The following NIPBL variants were observed in gnomAD, a reference collection of about 807,000 sequenced individuals.
The protein encoded by NIPBL is NIPBL cohesin loading factor.
Under a neutral mutation model 321.8 loss-of-function variants are expected in NIPBL, and 19 were observed. The observed-to-expected ratio is 0.06, with a 90% confidence interval of 0.04 to 0.09. NIPBL has a LOEUF of 0.09. Ranked by LOEUF, NIPBL falls within the 10% of genes least tolerant of loss-of-function variation. The probability of loss-of-function intolerance (pLI) is 1.00; values close to 1 mark genes in which losing one functional copy is unlikely to be tolerated. For synonymous variants in NIPBL, 1,106 were observed against 1,114.1 expected, an observed-to-expected ratio of 0.99 and a Z score of 0.14; for missense variants, 2,210 against 3,327.0, an observed-to-expected ratio of 0.66 and a Z score of 8.26.
chr5:36,896,556 A>G (rs912179979), intron 1 of NIPBL, among the ~76,000 whole-genome samples: 3 of 152,152 alleles, frequency 2.0e-5, no homozygotes, highest in Non-Finnish European at 4.4e-5. Context: ...ATCCAAGGGC[A>G]TGGGAAGACG....
chr5:36,955,419 A>C, intron 2 of NIPBL, 53 bp from the exon 3 acceptor site: 1 of 1,439,722 alleles, frequency 6.9e-7, no homozygotes, highest in Non-Finnish European at 9.8e-7. Flanking sequence ...ATAAGCACTA[A>C]AGAGACTTCT....
intron 21 of NIPBL, among the ~76,000 whole-genome samples, chr5:37,010,656 T>C (rs916521879): frequency 1.3e-5 from 2 of 152,162 alleles, no homozygotes; most frequent in Non-Finnish European, 2.9e-5. Flanking sequence ...AAGGTCCTTT[T>C]AGAGCACTAG....
At position 37,014,700 on chromosome 5, in the gene NIPBL, C is replaced by G. The variant is rs756639524; in HGVS notation, c.4578C>G (p.Val1526=). 1 of 1,605,698 alleles carries G rather than the reference C, an allele frequency of 6.2e-7. No individual in the cohort carries two copies. The highest frequency in any genetic ancestry group is 8.5e-7 in the Non-Finnish European group (1 of 1,172,736). The part of the protein sequence containing the change: ...DSNKKIDQDV[V]ITNSYETAMR... ...CATTCTAGATTGACCAGGATGTTGT[C>G]ATTACTAACTCTTATGAAACAGCTA... Residue 1526 remains valine (V), a synonymous_variant, in exon 22 of 47, where the codon GTC becomes GTG. Transcript: ENST00000282516.
At chr5:37,024,544 C>G (rs762469274) in intron 29 of NIPBL, 41 bp from the exon 30 acceptor site, 1 of 1,564,858 alleles carries the variant, frequency 6.4e-7, no homozygotes, top group Non-Finnish European at 8.8e-7. Context: ...CACTAGGCAT[C>G]TCAATTTTTC....
At position 37,049,228 on chromosome 5, in the gene NIPBL, A is replaced by G. The variant is rs760452129; in HGVS notation, c.6881A>G (p.Gln2294Arg). The G allele has an allele frequency of 1.2e-6, 2 of 1,614,172 alleles. No individual in the cohort carries two copies. The highest frequency in any genetic ancestry group is 1.7e-6 in the Non-Finnish European group (2 of 1,180,020). Residue 2294 changes from glutamine (Q) to arginine (R), a missense_variant, in exon 40 of 47, where the codon CAG becomes CGG. Transcript: ENST00000282516. The part of the protein sequence containing the change: ...KQVLEAFFHT[Q>R]SSVRHFALNV... The stretch of plus-strand genomic sequence containing the variant: ...GTGCTTGAGGCATTTTTTCACACCC[A>G]GTCAAGTGTACGCCACTTTGCCCTA...
intron 8 of NIPBL, among the ~76,000 whole-genome samples, 190 bp from the exon 9 acceptor site, chr5:36,975,586 A>G (rs945933557): frequency 6.6e-6 from 1 of 152,218 alleles, no homozygotes; most frequent in Non-Finnish European, 1.5e-5. Context: ...ATTAACTACT[A>G]GCAAGCTAAA....
chr5:37,060,828 T>C lies in NIPBL; in HGVS notation c.7686-16T>C. 2 of 1,610,632 alleles carry C rather than the reference T, an allele frequency of 1.2e-6. No homozygotes were observed. Among genetic ancestry groups the C allele is most frequent in the African/African-American group, 1.3e-5 (1 of 74,930 alleles). ...TCCATAGTTTTAAAGTTTTTGGTTT[T>C]GTTTTCCCAAAACAGTAAAATTCAG... On this transcript the variant is annotated splice_polypyrimidine_tract_variant and intron_variant, in intron 44 of 46. Transcript: ENST00000282516.
intron 36 of NIPBL, 82 bp from the exon 37 acceptor site, chr5:37,045,361 A>AT: frequency 8.7e-7 from 1 of 1,148,230 alleles, no homozygotes; most frequent in East Asian, 2.6e-5. Flanking sequence ...CAAAAAAAAA[A>AT]TTGTAATTCA....
chr5:37,020,446 A>C lies in NIPBL; in HGVS notation c.5011-13A>C. 1 of 1,574,712 alleles carries C rather than the reference A, an allele frequency of 6.4e-7. No homozygotes were observed. The highest frequency in any genetic ancestry group is 1.8e-4 in the Middle Eastern group (1 of 5,666). On this transcript the variant is annotated splice_polypyrimidine_tract_variant and intron_variant, in intron 25 of 46. Transcript: ENST00000282516. ...AATTTCATCAAGCTCAAGTCTGTCT[A>C]ATTTCTTTCCAGTTTTCTCGTAAAT...
chr5:36,890,274 C>T (rs893256818), intron 1 of NIPBL, among the ~76,000 whole-genome samples: 1 of 152,104 alleles, frequency 6.6e-6, no homozygotes, highest in African/African-American at 2.4e-5. Context: ...GGGCTTTATT[C>T]GCTTAGAGTA....
chr5:37,064,142 T>C (rs1755122757), intron 46 of NIPBL, 164 bp downstream of exon 46: 2 of 1,433,144 alleles, frequency 1.4e-6, no homozygotes, highest in East Asian at 2.5e-5. Flanking sequence ...ATACATCCTT[T>C]TGTAGAAAGT....
intron 1 of NIPBL, among the ~76,000 whole-genome samples, chr5:36,917,150 T>C (rs917499323): frequency 6.6e-6 from 1 of 152,186 alleles, no homozygotes; most frequent in Non-Finnish European, 1.5e-5. Context: ...CTCCACATCC[T>C]CTCTAGCACC....
At chr5:37,048,732 T>C in intron 39 of NIPBL, 57 bp downstream of exon 39, 1 of 1,288,682 alleles carries the variant, frequency 7.8e-7, no homozygotes, top group Non-Finnish European at 1.1e-6. Context: ...AATGGCTTTA[T>C]CTTCTTTAAT....
intron 6 of NIPBL, among the ~76,000 whole-genome samples, chr5:36,968,829 C>T (rs1370815389): frequency 6.6e-6 from 1 of 152,066 alleles, no homozygotes; most frequent in Non-Finnish European, 1.5e-5. Context: ...CCAGCCAATA[C>T]AGGAAGATAA....
At chr5:36,891,941 T>C (rs1746363670) in intron 1 of NIPBL, among the ~76,000 whole-genome samples, 1 of 152,154 alleles carries the variant, frequency 6.6e-6, no homozygotes, top group Non-Finnish European at 1.5e-5. Flanking sequence ...GGATATATCC[T>C]TGATTCCCAA....
At chr5:37,016,261 A>C in intron 23 of NIPBL, 91 bp downstream of exon 23, 1 of 1,286,522 alleles carries the variant, frequency 7.8e-7, no homozygotes, top group Non-Finnish European at 1.1e-6. Context: ...TTCTTTAAAA[A>C]TGTGTAAGGA....
chr5:37,015,951 A>G, intron 22 of NIPBL, 87 bp from the exon 23 acceptor site: 1 of 1,343,834 alleles, frequency 7.4e-7, no homozygotes, highest in South Asian at 1.2e-5. Flanking sequence ...AAGAAAACTT[A>G]GCTAACAATT....
intron 1 of NIPBL, among the ~76,000 whole-genome samples, chr5:36,888,244 G>A (rs541776521): frequency 6.6e-5 from 10 of 152,212 alleles, no homozygotes; most frequent in African/African-American, 2.4e-4. Context: ...GTAATCTTTA[G>A]TAACAGTGAT....
intron 6 of NIPBL, among the ~76,000 whole-genome samples, chr5:36,965,642 A>G (rs1023530945): frequency 6.6e-5 from 10 of 152,124 alleles, no homozygotes; most frequent in Non-Finnish European, 4.4e-5. Context: ...TCTATTTTAT[A>G]TTTCAAAATA....
Sources: gnomAD v4.1 joint callset for allele counts (sites outside exome capture counted in the v4.1 genomes callset) on GRCh38, gnomAD v4.1.1 for gene constraint, MANE v1.5 for transcripts, NCBI Gene and HGNC (gene_info 2026-07-23, HGNC 2026-07-21) for gene names.